USP6NL: variants seen among roughly 807,000 people sequenced by gnomAD.
USP6NL encodes the protein USP6 N-terminal-like protein.
Under a neutral mutation model 61.9 loss-of-function variants are expected in USP6NL, and 26 were observed. The ratio of observed to expected loss-of-function variants is 0.42; its 90% CI spans 0.31 to 0.58. USP6NL has a LOEUF of 0.58. Among genes scored for constraint, USP6NL ranks in the 20% least tolerant of loss-of-function variants. USP6NL has a pLI of 0.16. For synonymous variants in USP6NL, 432 were observed against 390.1 expected (o/e 1.11, Z -1.27); for missense variants, 1,114 against 1,034.3 (o/e 1.08, Z -1.06).
chr10:11,601,952 A>T (rs1041286473), intron 1 of USP6NL, among the ~76,000 whole-genome samples: 1 of 152,156 alleles, frequency 6.6e-6, no homozygotes, highest in African/African-American at 2.4e-5. Flanking sequence ...TGTTTTTCTA[A>T]GTTGCTATTT....
At position 11,591,084 on chromosome 10, in the gene USP6NL, G is replaced by C. The variant is rs528874163; in HGVS notation, c.4+6547C>G. ...GAATGAGTAAAGGATGTGTGGGGAG[G>C]GGGTTAAAGAAGTCAAGCCACTTGC... On this transcript the variant is annotated intron_variant, in intron 2 of 14. Transcript: ENST00000609104. This position sits in a 1 kb window ranked among gnomAD's most constrained non-coding sequence, Gnocchi z 4.7. Among the ~76,000 whole-genome samples, 3 of 152,238 alleles carry C rather than the reference G, an allele frequency of 2.0e-5. No homozygotes were observed. The South Asian group carries it at 6.2e-4, about 32-fold the overall frequency.
intron 2 of USP6NL, among the ~76,000 whole-genome samples, chr10:11,534,635 G>A (rs1835769077): frequency 6.6e-6 from 1 of 152,196 alleles, no homozygotes; most frequent in Non-Finnish European, 1.5e-5. Flanking sequence ...AACAGAGTGA[G>A]AAAAGTCAGT....
In USP6NL at chr10:11,574,285, A is replaced by G. The variant is rs1045850463; in HGVS notation, c.4+23346T>C. Among the ~76,000 whole-genome samples the G allele has an allele frequency of 5.3e-5, 8 of 152,212 alleles. No homozygotes were observed. Among genetic ancestry groups the G allele is most frequent in the Non-Finnish European group, 1.5e-5 (1 of 68,022 alleles). On this transcript the variant is annotated intron_variant, in intron 2 of 14. Coordinates refer to ENST00000609104, the MANE Select transcript of USP6NL (RefSeq NM_014688.5). The surrounding 1 kb of genome is among the most constrained non-coding windows in gnomAD (Gnocchi z 4.3). ...AGATATGGTGCCTCAAAAATATCCT[A>G]TAAATTCCTTGTCCTCCTCCTCACA... is the stretch of plus-strand genomic sequence containing the variant.
At position 11,589,075 on chromosome 10, in the gene USP6NL, C is replaced by T. The variant is rs1452152251; in HGVS notation, c.4+8556G>A. ...ATAAGATAATGGCAATGGAGAAGCGCCTTTCCTTATCCAGAAGAGAGACTC... is the reference window on the plus strand; with the variant it reads ...ATAAGATAATGGCAATGGAGAAGCGTCTTTCCTTATCCAGAAGAGAGACTC... On this transcript the variant is annotated intron_variant, in intron 2 of 14. Coordinates refer to ENST00000609104, the MANE Select transcript of USP6NL (RefSeq NM_014688.5). This position sits in a 1 kb window ranked among gnomAD's most constrained non-coding sequence, Gnocchi z 4.7. Among the ~76,000 whole-genome samples, 1 of 152,148 alleles carries T rather than the reference C, an allele frequency of 6.6e-6. No homozygotes were observed. The highest frequency in any genetic ancestry group is 1.5e-5 in the Non-Finnish European group (1 of 68,022).
At chr10:11,603,602 C>G (rs1457067060) in intron 1 of USP6NL, among the ~76,000 whole-genome samples, 1 of 152,136 alleles carries the variant, frequency 6.6e-6, no homozygotes, top group East Asian at 1.9e-4. Context: ...ATTCCAGGCC[C>G]TATCTTCAAA....
intron 2 of USP6NL, among the ~76,000 whole-genome samples, chr10:11,542,641 C>T (rs1836112821): frequency 1.3e-5 from 2 of 152,092 alleles, no homozygotes; most frequent in Admixed American, 1.3e-4. Context: ...ATTGCCTGAA[C>T]CCGGGAGACA....
chr10:11,488,690 G>A (rs1423941005), intron 10 of USP6NL, among the ~76,000 whole-genome samples: 1 of 152,012 alleles, frequency 6.6e-6, no homozygotes, highest in Non-Finnish European at 1.5e-5. Context: ...TTTTTGACAA[G>A]TTGTTATATA....
rs930010291 is a variant in USP6NL at position 11,574,273 on chromosome 10, C to T, written c.4+23358G>A. On this transcript the variant is annotated intron_variant, in intron 2 of 14. Coordinates refer to ENST00000609104, the MANE Select transcript of USP6NL (RefSeq NM_014688.5). The surrounding 1 kb of genome is among the most constrained non-coding windows in gnomAD (Gnocchi z 4.3). Reference sequence around the variant, plus strand: ...GATTTGCATAAAAGATATGGTGCCTCAAAAATATCCTATAAATTCCTTGTC... The same window carrying T: ...GATTTGCATAAAAGATATGGTGCCTTAAAAATATCCTATAAATTCCTTGTC... Among the ~76,000 whole-genome samples the T allele has an allele frequency of 4.6e-5, 7 of 152,180 alleles. No homozygotes were observed. The highest frequency in any genetic ancestry group is 1.7e-4 in the African/African-American group (7 of 41,446).
chr10:11,557,125 T>C (rs889379795), intron 2 of USP6NL, among the ~76,000 whole-genome samples: 2 of 152,222 alleles, frequency 1.3e-5, no homozygotes, highest in African/African-American at 2.4e-5. Context: ...TACATCAGAT[T>C]AACTTTGCTG....
rs147264034 is a variant in USP6NL, at chr10:11,520,534, G to A, written c.156-1960C>T. Reference sequence around the variant, plus strand: ...CTGGAAGAGCTCAGTAAACGGTGCTGAATGAAGATATGAACAGGAGGATGA... The same window carrying A: ...CTGGAAGAGCTCAGTAAACGGTGCTAAATGAAGATATGAACAGGAGGATGA... On this transcript the variant is annotated intron_variant, in intron 4 of 14. Coordinates refer to ENST00000609104, the MANE Select transcript of USP6NL (RefSeq NM_014688.5). The surrounding 1 kb of genome is among the most constrained non-coding windows in gnomAD (Gnocchi z 5.2). Among the ~76,000 whole-genome samples, 115 of 152,346 alleles carry A rather than the reference G, an allele frequency of 7.5e-4. No individual in the cohort carries two copies. The highest frequency in any genetic ancestry group is 2.6e-3 in the African/African-American group (107 of 41,582).
At chr10:11,506,654 A>AC (rs1325051876) in intron 6 of USP6NL, among the ~76,000 whole-genome samples, 1 of 152,056 alleles carries the variant, frequency 6.6e-6, no homozygotes, top group Non-Finnish European at 1.5e-5. Flanking sequence ...CTCAAAAAAA[A>AC]ACAAAAAAAT....
intron 5 of USP6NL, 41 bp from the exon 6 acceptor site, chr10:11,509,716 C>T: frequency 1.4e-6 from 2 of 1,480,334 alleles, no homozygotes; most frequent in South Asian, 1.3e-5. Context: ...TTGTTCGTTT[C>T]TTTACTTATG....
chr10:11,470,342 C>T lies in USP6NL; in HGVS notation c.1079-6493G>A, dbSNP rs149606969. Among the ~76,000 whole-genome samples the T allele has an allele frequency of 1.8e-4, 28 of 152,290 alleles. No individual in the cohort carries two copies. The East Asian group carries it at 4.4e-3, about 24-fold the overall frequency. ...AGAGGCCTCGGCTCCACCAGCAATA[C>T]GGAACCCAAGGACGCCATGCCAGGA... On this transcript the variant is annotated intron_variant, in intron 14 of 14. Transcript: ENST00000609104. This position sits in a 1 kb window ranked among gnomAD's most constrained non-coding sequence, Gnocchi z 5.4.
rs1240716265 is a variant in USP6NL, at chr10:11,499,903, A to G, written c.384+1198T>C. Among the ~76,000 whole-genome samples the G allele has an allele frequency of 6.6e-6, 1 of 152,174 alleles. No individual in the cohort carries two copies. Among genetic ancestry groups the G allele is most frequent in the Non-Finnish European group, 1.5e-5 (1 of 68,028 alleles). ...TAAAGTGCTTTTTCTTTCATTTTCT[A>G]CTTTCATTATTTAAACAAATACTAA... On this transcript the variant is annotated intron_variant, in intron 7 of 14. Transcript: ENST00000609104. The surrounding 1 kb of genome is among the most constrained non-coding windows in gnomAD (Gnocchi z 4.5).
intron 2 of USP6NL, among the ~76,000 whole-genome samples, chr10:11,570,500 C>G (rs1449549519): frequency 6.6e-6 from 1 of 152,192 alleles, no homozygotes; most frequent in Non-Finnish European, 1.5e-5. Context: ...TACTTTAGTA[C>G]TAATTTTAAT....
Position 11,600,858 on chromosome 10 carries a change from C to A in USP6NL, c.-83-3141G>T, listed in dbSNP as rs771419713. ...TGGCAGCCGCCTGTAATGCCAGCTA[C>A]TGGAGAGGCTGAGGCAAGAGAATTG... On this transcript the variant is annotated intron_variant, in intron 1 of 14. Coordinates refer to ENST00000609104, the MANE Select transcript of USP6NL (RefSeq NM_014688.5). The surrounding 1 kb of genome is among the most constrained non-coding windows in gnomAD (Gnocchi z 4.1). Among the ~76,000 whole-genome samples the A allele has an allele frequency of 2.6e-5, 4 of 152,046 alleles. No individual in the cohort carries two copies. Among genetic ancestry groups the A allele is most frequent in the Non-Finnish European group, 5.9e-5 (4 of 68,020 alleles).
intron 7 of USP6NL, among the ~76,000 whole-genome samples, chr10:11,497,093 CTTTT>C (rs11287847): frequency 6.1e-5 from 8 of 130,712 alleles, no homozygotes; most frequent in Admixed American, 1.5e-4. Context: ...TCTCTTCCAT[CTTTT>C]TTTTTTTTTT....
At position 11,562,666 on chromosome 10, in the gene USP6NL, G is replaced by C. The variant is rs1282726834; in HGVS notation, c.4+34965C>G. On this transcript the variant is annotated intron_variant, in intron 2 of 14. Transcript: ENST00000609104. This position sits in a 1 kb window ranked among gnomAD's most constrained non-coding sequence, Gnocchi z 4.8. ...TATTTGTGACACTCAACATTCATAT[G>C]TTGTTAGCCACTTGTATTTCTGTAA... The C allele has an allele frequency of 2.0e-6, 2 of 985,280 alleles. No individual in the cohort carries two copies. The highest frequency in any genetic ancestry group is 2.4e-6 in the Non-Finnish European group (2 of 829,936). 61.0% of individuals were successfully genotyped at this position (985,280 alleles called of 1,614,324 possible). A position where few individuals can be genotyped will look rare whatever the true frequency, so the allele number is the denominator to read the frequency against.
rs1440209227 is a variant in USP6NL at position 11,490,508 on chromosome 10, CT to C, written c.543+323del. On this transcript the variant is annotated intron_variant, in intron 9 of 14. Coordinates refer to ENST00000609104, the MANE Select transcript of USP6NL (RefSeq NM_014688.5). This position sits in a 1 kb window ranked among gnomAD's most constrained non-coding sequence, Gnocchi z 4.5. ...AAAAATTAACCAAGCCACCCACTTC[CT>C]GTCCTTCTACCCTGTATATCTGCTT... Among the ~76,000 whole-genome samples, 2 of 152,224 alleles carry C rather than the reference CT, an allele frequency of 1.3e-5. No homozygotes were observed. Among genetic ancestry groups the C allele is most frequent in the African/African-American group, 4.8e-5 (2 of 41,454 alleles).
Sources: allele counts gnomAD v4.1 joint callset (sites outside exome capture counted in the v4.1 genomes callset), GRCh38; gene constraint gnomAD v4.1.1; non-coding constraint Gnocchi (gnomAD v3.1); transcripts MANE v1.5; gene names NCBI Gene and HGNC (gene_info 2026-07-23, HGNC 2026-07-21).